Variants in TLL1 observed in about 807,000 individuals in gnomAD.
TLL1 encodes the protein tolloid like 1, also known as tolloid-like protein 1.
In TLL1, 49 loss-of-function variants were observed where a neutral mutation model predicts 128.2. The observed-to-expected ratio is 0.38, with a 90% CI of 0.30 to 0.48. The LOEUF is 0.48. Among genes scored for constraint, TLL1 ranks in the 20% least tolerant of loss-of-function variants. TLL1 has a pLI of 0.96. For synonymous variants in TLL1, 454 were observed against 418.8 expected, an observed-to-expected ratio of 1.08 and a Z score of -1.03; for missense variants, 1,123 against 1,242.0, an observed-to-expected ratio of 0.90 and a Z score of 1.44.
At chr4:166,067,150 G>A (rs1740610009) in intron 16 of TLL1, among the ~76,000 whole-genome samples, 1 of 151,720 alleles carries the variant, frequency 6.6e-6, no homozygotes, top group Admixed American at 6.6e-5. Context: ...ATATACCCAT[G>A]TAACAAACCT....
At chr4:165,876,453 T>G (rs1730727305) in intron 1 of TLL1, among the ~76,000 whole-genome samples, 1 of 152,204 alleles carries the variant, frequency 6.6e-6, no homozygotes, top group African/African-American at 2.4e-5. Context: ...ATCTGCCCTT[T>G]CCAAATAACA....
At chr4:165,968,734 A>G (rs921098278) in intron 1 of TLL1, among the ~76,000 whole-genome samples, 1 of 152,156 alleles carries the variant, frequency 6.6e-6, no homozygotes, top group Non-Finnish European at 1.5e-5. Flanking sequence ...AATGTTTTCT[A>G]CCAAAATGTC....
At chr4:165,927,826 C>T (rs1733344916) in intron 1 of TLL1, among the ~76,000 whole-genome samples, 1 of 152,194 alleles carries the variant, frequency 6.6e-6, no homozygotes, top group South Asian at 2.1e-4. Context: ...AAAGAAATAT[C>T]TTGTCCAAAA....
rs142838207 is a variant in TLL1, at chr4:165,953,331, G to A, written c.170-36050G>A. ...ACCGTGAGGTACAGCCAGATGGACA[G>A]CCTGTGCTTTCACATGCTGCAGCTC... On this transcript the variant is annotated intron_variant, in intron 1 of 20. Transcript: ENST00000061240. Among the ~76,000 whole-genome samples the A allele has an allele frequency of 2.1e-4, 32 of 152,168 alleles. No homozygotes were observed. The East Asian group carries it at 5.8e-3, about 28-fold the overall frequency.
chr4:165,897,045 T>C (rs900624256), intron 1 of TLL1, among the ~76,000 whole-genome samples: 1 of 152,214 alleles, frequency 6.6e-6, no homozygotes, highest in Non-Finnish European at 1.5e-5. Context: ...CACATAAATG[T>C]CTTCTTTTGA....
intron 9 of TLL1, among the ~76,000 whole-genome samples, chr4:166,032,186 A>G (rs1738799279): frequency 6.6e-6 from 1 of 152,130 alleles, no homozygotes; most frequent in Non-Finnish European, 1.5e-5. Flanking sequence ...CATATTTTAG[A>G]AAACTAGAAA....
chr4:166,069,881 C>G (rs1055294676), intron 16 of TLL1, among the ~76,000 whole-genome samples: 1 of 151,692 alleles, frequency 6.6e-6, no homozygotes, highest in South Asian at 2.1e-4. Flanking sequence ...CTATAAAAAT[C>G]AGTGTAATAT....
intron 8 of TLL1, among the ~76,000 whole-genome samples, chr4:166,020,223 A>G (rs1738157078): frequency 6.6e-6 from 1 of 152,190 alleles, no homozygotes; most frequent in African/African-American, 2.4e-5. Flanking sequence ...TCCAAAAGGC[A>G]AATCCTTTGT....
At chr4:165,991,972 A>T (rs1178704979) in intron 2 of TLL1, among the ~76,000 whole-genome samples, 2 of 151,980 alleles carry the variant, frequency 1.3e-5, no homozygotes, top group African/African-American at 4.8e-5. Flanking sequence ...AACCGAGAGT[A>T]GCATTTTATA....
chr4:166,044,471 T>G, intron 12 of TLL1: 1 of 1,486,304 alleles, frequency 6.7e-7, no homozygotes, highest in Non-Finnish European at 9.1e-7. Flanking sequence ...TCTGTCCCCT[T>G]GCATGTACCA....
At chr4:165,974,290 G>A (rs1464750531) in intron 1 of TLL1, among the ~76,000 whole-genome samples, 3 of 142,422 alleles carry the variant, frequency 2.1e-5, no homozygotes, top group East Asian at 2.0e-4. Flanking sequence ...ACAGGCGCCC[G>A]CCACTACGCC....
intron 1 of TLL1, among the ~76,000 whole-genome samples, chr4:165,880,440 C>T (rs1730923558): frequency 6.6e-6 from 1 of 152,114 alleles, no homozygotes; most frequent in African/African-American, 2.4e-5. Context: ...CAAATGCTAT[C>T]CATTGTATTT....
In TLL1 at chr4:166,001,769, T is replaced by C. The variant is rs28593212; in HGVS notation, c.633-1622T>C. ...CCGATTGTGCCACTGCACACCAGCCTGGGTGACAAAGCAAAACTCCATCTC... is the reference window on the plus strand; with the variant it reads ...CCGATTGTGCCACTGCACACCAGCCCGGGTGACAAAGCAAAACTCCATCTC... On this transcript the variant is annotated intron_variant, in intron 5 of 20. Coordinates refer to ENST00000061240, the MANE Select transcript of TLL1 (RefSeq NM_012464.5). 9.7e-3 allele frequency among the ~76,000 whole-genome samples: 1,418 copies of C among 146,690 alleles called. 22 individuals carry two copies. Among genetic ancestry groups the C allele is most frequent in the African/African-American group, 0.034 (1,343 of 39,458 alleles).
chr4:165,904,630 C>G (rs982133795), intron 1 of TLL1, among the ~76,000 whole-genome samples: 2 of 152,190 alleles, frequency 1.3e-5, no homozygotes, highest in South Asian at 2.1e-4. Context: ...TAATTAATTC[C>G]TTCTTAATTC....
At chr4:166,042,847 A>T (rs975118887) in intron 11 of TLL1, among the ~76,000 whole-genome samples, 2 of 152,200 alleles carry the variant, frequency 1.3e-5, no homozygotes, top group Non-Finnish European at 2.9e-5. Context: ...GACGCTGCGC[A>T]CATGACACTA....
intron 1 of TLL1, among the ~76,000 whole-genome samples, chr4:165,946,141 C>T (rs1734238353): frequency 6.6e-6 from 1 of 152,014 alleles, no homozygotes; most frequent in Non-Finnish European, 1.5e-5. Context: ...TGGGACTTCA[C>T]TCTCTAACTG....
chr4:165,997,965 A>C (rs1263618980), intron 5 of TLL1, among the ~76,000 whole-genome samples: 1 of 152,166 alleles, frequency 6.6e-6, no homozygotes, highest in Non-Finnish European at 1.5e-5. Flanking sequence ...TTACATTTGC[A>C]TTTAGTACAA....
At chr4:166,027,728 A>G (rs1307139223) in intron 9 of TLL1, among the ~76,000 whole-genome samples, 1 of 152,194 alleles carries the variant, frequency 6.6e-6, no homozygotes, top group African/African-American at 2.4e-5. Context: ...TAAAGTATAC[A>G]TGATTTTAAA....
At chr4:165,917,224 C>A (rs1374680266) in intron 1 of TLL1, among the ~76,000 whole-genome samples, 1 of 151,960 alleles carries the variant, frequency 6.6e-6, no homozygotes, top group Non-Finnish European at 1.5e-5. Flanking sequence ...AAAAAAAAAT[C>A]GCCTTGCTTC....
Sources: allele counts gnomAD v4.1 joint callset (sites outside exome capture counted in the v4.1 genomes callset), GRCh38; gene constraint gnomAD v4.1.1; transcripts MANE v1.5; gene names NCBI Gene and HGNC (gene_info 2026-07-23, HGNC 2026-07-21).